ZNF791: variants seen among roughly 807,000 people sequenced by gnomAD.
The protein encoded by ZNF791 is zinc finger protein 791.
A neutral mutation model predicts 11.5 loss-of-function variants in ZNF791; 4 were observed. That is an observed-to-expected ratio of 0.35 (90% CI 0.17 to 0.80). ZNF791 has a LOEUF of 0.80. Ranked by LOEUF, ZNF791 falls within the 30% of genes least tolerant of loss-of-function variation. ZNF791 has a pLI of 0.53. For synonymous variants in ZNF791, 212 were observed against 228.1 expected (o/e 0.93, Z 0.64); for missense variants, 559 against 699.4 (o/e 0.80, Z 2.26).
Position 12,628,053 on chromosome 19 carries a change from T to C in ZNF791, c.524T>C (p.Phe175Ser). The C allele has an allele frequency of 6.2e-7, 1 of 1,613,286 alleles. No homozygotes were observed. The highest frequency in any genetic ancestry group is 8.5e-7 in the Non-Finnish European group (1 of 1,179,712). Residue 175 changes from phenylalanine (F) to serine (S), a missense_variant, in exon 4 of 4, where the codon TTT becomes TCT. Phe to Ser is a radical substitution (Grantham distance 155, BLOSUM62 -2). Coordinates refer to ENST00000343325, the MANE Select transcript of ZNF791 (RefSeq NM_153358.3). ...AAAACCTTCATATATCACCAGCCCT[T>C]TCAAAGACATGAGCGGACTCACATT... is the stretch of plus-strand genomic sequence containing the variant. ...CGKTFIYHQP[F>S]QRHERTHIGE...
In ZNF791 at chr19:12,629,217, T is replaced by C. The variant is rs779269376; in HGVS notation, c.1688T>C (p.Val563Ala). Residue 563 changes from valine (V) to alanine (A), a missense_variant, in exon 4 of 4, where the codon GTG (valine) becomes GCG (alanine). Val to Ala is a moderately conservative substitution (Grantham distance 64, BLOSUM62 0). Coordinates refer to ENST00000343325, the MANE Select transcript of ZNF791 (RefSeq NM_153358.3). ...ECKQCGKAFS[V>A]STSLKKHMRM... The stretch of plus-strand genomic sequence containing the variant: ...AAGCAATGTGGAAAAGCCTTCAGTG[T>C]GTCCACATCCTTAAAAAAACATATG... 1 of 1,525,012 alleles carries C rather than the reference T, an allele frequency of 6.6e-7. No individual in the cohort carries two copies. The highest frequency in any genetic ancestry group is 8.8e-7 in the Non-Finnish European group (1 of 1,138,140). The allele number at this position is 1,525,012 out of a possible 1,614,324, so 94.5% of individuals were successfully genotyped here.
At position 12,628,070 on chromosome 19, in the gene ZNF791, A is replaced by G; in HGVS notation, c.541A>G (p.Thr181Ala). 2 of 1,613,846 alleles carry G rather than the reference A, an allele frequency of 1.2e-6. No individual in the cohort carries two copies. The highest frequency in any genetic ancestry group is 1.7e-6 in the Non-Finnish European group (2 of 1,179,904). ...CCAGCCCTTTCAAAGACATGAGCGGACTCACATTGGAGAAAAACCCTATGA... is the reference window on the plus strand; with the variant it reads ...CCAGCCCTTTCAAAGACATGAGCGGGCTCACATTGGAGAAAAACCCTATGA... ...YHQPFQRHER[T>A]HIGEKPYECK... The change falls in exon 4 of 4, where the codon ACT (threonine) becomes GCT (alanine). Residue 181 changes from threonine (T) to alanine (A), a missense_variant. By Grantham distance (58) the Thr-to-Ala change is moderately conservative. Coordinates refer to ENST00000343325, the MANE Select transcript of ZNF791 (RefSeq NM_153358.3).
intron 3 of ZNF791, among the ~76,000 whole-genome samples, chr19:12,626,883 G>C (rs1207644252): frequency 6.6e-6 from 1 of 152,158 alleles, no homozygotes; most frequent in Admixed American, 6.6e-5. Context: ...GGGATTACAG[G>C]CGTGAGCCAC....
At chr19:12,621,956 C>T (rs1318879884) in intron 1 of ZNF791, among the ~76,000 whole-genome samples, 16 of 126,908 alleles carry the variant, frequency 1.3e-4, no homozygotes, top group Admixed American at 6.3e-4. Context: ...GGATGGTTGC[C>T]GTGTCTGTGT....
intron 1 of ZNF791, among the ~76,000 whole-genome samples, chr19:12,619,057 A>G (rs893382982): frequency 6.6e-6 from 1 of 151,928 alleles, no homozygotes; most frequent in Admixed American, 6.6e-5. Flanking sequence ...CATGTTGGTC[A>G]GGATGGTCTC....
chr19:12,624,148 G>A (rs148153506), intron 2 of ZNF791, among the ~76,000 whole-genome samples: 1,923 of 136,370 alleles, frequency 0.014, 37 homozygotes, highest in African/African-American at 0.051. Context: ...GAGCCACTGT[G>A]CCTGGCCTTC....
Position 12,624,725 on chromosome 19 carries a change from C to CAAG in ZNF791, c.191+19_191+21dup. 2 of 1,593,348 alleles carry CAAG rather than the reference C, an allele frequency of 1.3e-6. No homozygotes were observed. The highest frequency in any genetic ancestry group is 1.7e-6 in the Non-Finnish European group (2 of 1,167,876). On this transcript the variant is annotated intron_variant, in intron 3 of 3. Transcript: ENST00000343325. The stretch of plus-strand genomic sequence containing the variant: ...CGAAATCTAAGGTGAGTTGCACTCA[C>CAAG]AAGAAGTAACAGTGTTCCTTGAAAG...
chr19:12,615,647 C>T (rs369534689), intron 1 of ZNF791, among the ~76,000 whole-genome samples: 2 of 151,728 alleles, frequency 1.3e-5, no homozygotes, highest in East Asian at 1.9e-4. Flanking sequence ...GGTGTGGTGG[C>T]GCACACCTGT....
chr19:12,616,530 C>G (rs915071030), intron 1 of ZNF791, among the ~76,000 whole-genome samples: 2 of 151,924 alleles, frequency 1.3e-5, no homozygotes, highest in African/African-American at 4.8e-5. Context: ...GCCAAGGGAT[C>G]GGAGAAAAAA....
chr19:12,613,479 G>A (rs2023193641), intron 1 of ZNF791, among the ~76,000 whole-genome samples: 1 of 152,078 alleles, frequency 6.6e-6, no homozygotes, highest in African/African-American at 2.4e-5. Flanking sequence ...TACTCTGGAG[G>A]CTGAGGCAGG....
In ZNF791 at chr19:12,615,012, C is replaced by CTT. The variant is rs1180146927; in HGVS notation, c.3+3954_3+3955dup. ...TCCCACCTTAGTCTCCTATGTTCAA[C>CTT]TTTTTTTTTTTTTTTTTTTTTTTTT... On this transcript the variant is annotated intron_variant, in intron 1 of 3. Transcript: ENST00000343325. 1.6e-3 allele frequency among the ~76,000 whole-genome samples: 78 copies of CTT among 49,882 alleles called. 21 individuals carry two copies. The highest frequency in any genetic ancestry group is 0.032 in the Middle Eastern group (2 of 62). 32.7% of individuals were successfully genotyped at this position (49,882 alleles called of 152,430 possible).
intron 1 of ZNF791, among the ~76,000 whole-genome samples, chr19:12,614,663 C>G (rs1029615533): frequency 1.3e-5 from 2 of 149,396 alleles, no homozygotes; most frequent in Non-Finnish European, 3.0e-5. Flanking sequence ...GGCACAATCT[C>G]GGCTCACCGC....
intron 3 of ZNF791, among the ~76,000 whole-genome samples, chr19:12,626,806 C>T (rs570362312): frequency 2.0e-3 from 296 of 146,960 alleles, no homozygotes; most frequent in Middle Eastern, 7.4e-3. Context: ...GGGGTTTCAC[C>T]CTGTTAGCCA....
At chr19:12,625,809 G>GA (rs2023419187) in intron 3 of ZNF791, among the ~76,000 whole-genome samples, 1 of 149,794 alleles carries the variant, frequency 6.7e-6, no homozygotes, top group South Asian at 2.1e-4. Context: ...AGAAGAAGAA[G>GA]AAGAAAGAAA....
At chr19:12,619,472 CGGAG>C (rs2023300654) in intron 1 of ZNF791, among the ~76,000 whole-genome samples, 7 of 106,606 alleles carry the variant, frequency 6.6e-5, no homozygotes, top group Non-Finnish European at 1.2e-4. Flanking sequence ...TTTTTTGAGA[CGGAG>C]TCTCGATTTG....
At chr19:12,618,531 G>A (rs2023281813) in intron 1 of ZNF791, among the ~76,000 whole-genome samples, 1 of 151,826 alleles carries the variant, frequency 6.6e-6, no homozygotes, top group South Asian at 2.1e-4. Context: ...AAGGCCGAGT[G>A]TGGTGGCTCG....
chr19:12,616,076 C>A (rs766190168), intron 1 of ZNF791, among the ~76,000 whole-genome samples: 1 of 152,202 alleles, frequency 6.6e-6, no homozygotes, highest in Non-Finnish European at 1.5e-5. Flanking sequence ...TTGTCTACAT[C>A]TTTGCTATCC....
chr19:12,623,842 T>A lies in ZNF791; in HGVS notation c.130+16T>A. The A allele has an allele frequency of 9.7e-7, 1 of 1,028,398 alleles. No individual in the cohort carries two copies. The highest frequency in any genetic ancestry group is 1.4e-6 in the Non-Finnish European group (1 of 736,550). The allele number at this position is 1,028,398 out of a possible 1,614,324, so 63.7% of individuals were successfully genotyped here. On this transcript the variant is annotated intron_variant, in intron 2 of 3. Transcript: ENST00000343325. ...GCATCTATAGGTAAGGATGACATCA[T>A]TTTTTCTTTTTTCTTTTTTTTTTTT...
At chr19:12,624,515 G>A (rs35623356) in intron 2 of ZNF791, 135 bp from the exon 3 acceptor site, 376,000 of 643,242 alleles carry the variant, frequency 0.58, 117,995 homozygotes, top group Non-Finnish European at 0.67. Context: ...TCACTGTTCC[G>A]AGATTTGGAA....
Sources: gnomAD v4.1 joint callset for allele counts (sites outside exome capture counted in the v4.1 genomes callset) on GRCh38, gnomAD v4.1.1 for gene constraint, MANE v1.5 for transcripts, NCBI Gene and HGNC (gene_info 2026-07-23, HGNC 2026-07-21) for gene names.